APAF1: variants seen among roughly 807,000 people sequenced by gnomAD.
APAF1 encodes apoptotic peptidase activating factor 1.
A neutral mutation model predicts 152.4 loss-of-function variants in APAF1; 91 were observed. That is an observed-to-expected ratio of 0.60 (90% CI 0.50 to 0.71). The LOEUF (loss-of-function observed/expected upper bound fraction) is 0.71, where lower values mean the gene tolerates loss of function less well. Among genes scored for constraint, APAF1 ranks in the 30% least tolerant of loss-of-function variants. The pLI, the probability that APAF1 is intolerant of heterozygous loss-of-function variation, is 0.00. For missense variants in APAF1, 1,283 were observed against 1,472.0 expected (o/e 0.87, Z 2.10); for synonymous variants, 484 against 494.1 (o/e 0.98, Z 0.27).
In APAF1 at chr12:98,700,369, G is replaced by T. The variant is rs376748797; in HGVS notation, c.2466+800G>T. ...AAAGACTTGAATGAGGGATATTACTGTTTTAAAGAGCATAATTGAAATATA... is the reference window on the plus strand; with the variant it reads ...AAAGACTTGAATGAGGGATATTACTTTTTTAAAGAGCATAATTGAAATATA... On this transcript the variant is annotated intron_variant, in intron 17 of 26. Coordinates refer to ENST00000551964, the MANE Select transcript of APAF1 (RefSeq NM_181861.2). 6.0e-4 allele frequency among the ~76,000 whole-genome samples: 91 copies of T among 152,246 alleles called. 1 individual carries two copies. The highest frequency in any genetic ancestry group is 1.7e-3 in the African/African-American group (71 of 41,546).
chr12:98,686,784 A>G lies in APAF1; in HGVS notation c.2215A>G (p.Met739Val), dbSNP rs1329531937. The part of the protein sequence containing the change: ...DLNQKECRNT[M>V]FGHTNSVNHC... ...GAATCAAAAAGAATGTCGAAATACC[A>G]TGTTTGGTCATACAAATTCAGTCAA... Residue 739 changes from methionine to valine, a missense_variant, in exon 16 of 27, where the codon ATG (methionine) becomes GTG (valine). By Grantham distance (21) the Met-to-Val change is conservative. Transcript: ENST00000551964. 2 of 1,613,684 alleles carry G rather than the reference A, an allele frequency of 1.2e-6. No individual in the cohort carries two copies. Among genetic ancestry groups the G allele is most frequent in the South Asian group, 1.1e-5 (1 of 90,988 alleles).
intron 4 of APAF1, among the ~76,000 whole-genome samples, chr12:98,653,858 A>T (rs565570770): frequency 5.9e-5 from 9 of 151,400 alleles, no homozygotes; most frequent in African/African-American, 2.2e-4. Context: ...GTGACATTTT[A>T]CATTACTGTA....
At chr12:98,671,217 T>C (rs932679746) in intron 11 of APAF1, 131 bp downstream of exon 11, 1 of 694,038 alleles carries the variant, frequency 1.4e-6, no homozygotes, top group African/African-American at 1.8e-5. Context: ...TGATTTTTGG[T>C]TATTCTAATT....
chr12:98,685,666 T>A, intron 15 of APAF1, among the ~76,000 whole-genome samples: 1 of 151,262 alleles, frequency 6.6e-6, no homozygotes, highest in Non-Finnish European at 1.5e-5. Context: ...AATAGAGTCT[T>A]CCTCTATCAC....
At chr12:98,732,198 T>C (rs1779468363) in intron 26 of APAF1, among the ~76,000 whole-genome samples, 1 of 152,108 alleles carries the variant, frequency 6.6e-6, no homozygotes, top group African/African-American at 2.4e-5. Flanking sequence ...AACTCAACGG[T>C]TGGAGTTGGG....
chr12:98,733,711 G>C lies in APAF1; in HGVS notation c.*1145G>C, dbSNP rs894963528. 1.3e-5 allele frequency: 2 copies of C among 152,448 alleles called. No homozygotes were observed. Among genetic ancestry groups the C allele is most frequent in the African/African-American group, 4.8e-5 (2 of 41,470 alleles). The allele number at this position is 152,448 out of a possible 1,614,324, so 9.4% of individuals were successfully genotyped here. A position where few individuals can be genotyped will look rare whatever the true frequency, so the allele number is the denominator to read the frequency against. ...AGCCTCCCAAAGTGTTGGGATTGCA[G>C]ATATGAGCCACTGGCCTGGCCTTCA... is the stretch of plus-strand genomic sequence containing the variant. On this transcript the variant is annotated 3_prime_UTR_variant, in exon 27 of 27. Transcript: ENST00000551964.
chr12:98,672,928 A>G (rs1416837591), intron 12 of APAF1, among the ~76,000 whole-genome samples: 1 of 148,752 alleles, frequency 6.7e-6, no homozygotes, highest in Non-Finnish European at 1.5e-5. Context: ...CCGATTTTGT[A>G]TTTTTTTTTA....
intron 14 of APAF1, among the ~76,000 whole-genome samples, chr12:98,682,935 A>G (rs1264278250): frequency 6.6e-6 from 1 of 152,208 alleles, no homozygotes; most frequent in Non-Finnish European, 1.5e-5. Flanking sequence ...ACATATATGT[A>G]TATTTGCAAA....
intron 23 of APAF1, 144 bp downstream of exon 23, chr12:98,723,456 TCAC>T: frequency 9.7e-7 from 1 of 1,032,090 alleles, no homozygotes; most frequent in South Asian, 1.5e-5. Context: ...TTAATTGCAG[TCAC>T]CTACATCTGC....
chr12:98,667,197 G>A (rs4762502), intron 9 of APAF1, among the ~76,000 whole-genome samples: 136,807 of 151,818 alleles, frequency 0.9, 61,719 homozygotes, highest in African/African-American at 0.94. Flanking sequence ...CCTGGGCTCG[G>A]TTGGTCCTGA....
In APAF1 at chr12:98,666,182, A is replaced by C; in HGVS notation, c.1195-8A>C. On this transcript the variant is annotated splice_region_variant and splice_polypyrimidine_tract_variant and intron_variant, in intron 8 of 26. Transcript: ENST00000551964. ...TGTGGCATATTAAATACTTACAACA[A>C]TTCCTAGGTGTTATGTATTCTCTGG... 6.2e-7 allele frequency: 1 copy of C among 1,613,220 alleles called. No homozygotes were observed. The highest frequency in any genetic ancestry group is 8.5e-7 in the Non-Finnish European group (1 of 1,179,258).
Position 98,735,386 on chromosome 12 carries a change from TA to T in APAF1, c.*2826del, listed in dbSNP as rs2097768213. On this transcript the variant is annotated 3_prime_UTR_variant, in exon 27 of 27. Coordinates refer to ENST00000551964, the MANE Select transcript of APAF1 (RefSeq NM_181861.2). ...TGGTATACATTTTAAAATATGAATTTAAAAAATTTTTGTAAAAATAAAATTC... is the reference window on the plus strand; with the variant it reads ...TGGTATACATTTTAAAATATGAATTTAAAAATTTTTGTAAAAATAAAATTC... 2.3e-6 allele frequency: 1 copy of T among 430,904 alleles called. No homozygotes were observed. The highest frequency in any genetic ancestry group is 2.0e-5 in the African/African-American group (1 of 50,108). 26.7% of individuals were successfully genotyped at this position (430,904 alleles called of 1,614,324 possible).
intron 4 of APAF1, among the ~76,000 whole-genome samples, chr12:98,650,488 A>G (rs1176505775): frequency 6.6e-6 from 1 of 151,658 alleles, no homozygotes; most frequent in Non-Finnish European, 1.5e-5. Context: ...CTCCATCTCA[A>G]AAAAAAGTTT....
intron 16 of APAF1, among the ~76,000 whole-genome samples, chr12:98,688,892 A>G (rs779793240): frequency 4.0e-5 from 6 of 151,030 alleles, no homozygotes; most frequent in South Asian, 2.1e-4. Flanking sequence ...CTGGCCCACC[A>G]CAGTCTATCT....
At chr12:98,653,680 AAAAAAAAAAAAATATATATAT>A (rs1296173005) in intron 4 of APAF1, among the ~76,000 whole-genome samples, 39 of 66,774 alleles carry the variant, frequency 5.8e-4, no homozygotes, top group African/African-American at 2.0e-3. Context: ...AAAAAAAAAA[AAAAAAAAAAAAATATATATAT>A]ATATATATAT....
rs187823599 is a variant in APAF1 at position 98,689,269 on chromosome 12, T to C, written c.2304+2396T>C. ...CTAACCCCTATACCTTAATTGTCTGTTCTGGGCAAGGTGTTTTATTTCAGC... is the reference window on the plus strand; with the variant it reads ...CTAACCCCTATACCTTAATTGTCTGCTCTGGGCAAGGTGTTTTATTTCAGC... On this transcript the variant is annotated intron_variant, in intron 16 of 26. Coordinates refer to ENST00000551964, the MANE Select transcript of APAF1 (RefSeq NM_181861.2). Among the ~76,000 whole-genome samples the C allele has an allele frequency of 6.0e-4, 91 of 152,332 alleles. 1 individual carries two copies. Among genetic ancestry groups the C allele is most frequent in the African/African-American group, 1.7e-3 (71 of 41,580 alleles).
rs571997444 is a variant in APAF1 at position 98,677,910 on chromosome 12, CAA to C, written c.1920+361_1920+362del. On this transcript the variant is annotated intron_variant, in intron 13 of 26. Coordinates refer to ENST00000551964, the MANE Select transcript of APAF1 (RefSeq NM_181861.2). The stretch of plus-strand genomic sequence containing the variant: ...GTGATTAGGAAAATACCTATTTTAT[CAA>C]AGTCTTAGGCATAGGTTTTTTTCTT... Among the ~76,000 whole-genome samples, 13 of 152,302 alleles carry C rather than the reference CAA, an allele frequency of 8.5e-5. No individual in the cohort carries two copies. The South Asian group carries it at 2.5e-3, about 29-fold the overall frequency.
intron 15 of APAF1, 75 bp downstream of exon 15, chr12:98,683,349 T>A: frequency 1.4e-6 from 2 of 1,413,936 alleles, no homozygotes; most frequent in South Asian, 1.1e-5. Context: ...TTTTCTTATG[T>A]ATACTACTAT....
intron 16 of APAF1, among the ~76,000 whole-genome samples, chr12:98,688,118 A>G (rs1229253578): frequency 6.6e-6 from 1 of 152,220 alleles, no homozygotes; most frequent in East Asian, 1.9e-4. Context: ...AAAATGCAAG[A>G]GTTAGGGAAA....
Sources: allele counts gnomAD v4.1 joint callset (sites outside exome capture counted in the v4.1 genomes callset), GRCh38; gene constraint gnomAD v4.1.1; transcripts MANE v1.5; gene names NCBI Gene and HGNC (gene_info 2026-07-23, HGNC 2026-07-21).